The following SLC35B1 variants were observed in gnomAD, a reference collection of about 807,000 sequenced individuals.
The protein encoded by SLC35B1 is ATP/ADP exchanger ER.
SLC35B1 carries 27 observed loss-of-function variants against 36.6 expected under a neutral mutation model. The observed-to-expected ratio is 0.74, with a 90% confidence interval of 0.54 to 1.02. SLC35B1 has a LOEUF of 1.02. Ranked by LOEUF, SLC35B1 falls within the 50% of genes least tolerant of loss-of-function variation. The pLI is 0.00. For missense variants in SLC35B1, 321 were observed against 383.2 expected, an observed-to-expected ratio of 0.84 and a Z score of 1.35; for synonymous variants, 162 against 152.5, an observed-to-expected ratio of 1.06 and a Z score of -0.46.
upstream of SLC35B1, chr17:49,708,145 C>G (rs890563004): frequency 7.2e-6 from 5 of 694,608 alleles, no homozygotes; most frequent in African/African-American, 8.8e-5. Context: ...GGAGATTTTT[C>G]CAATCAGGCA....
At position 49,706,242 on chromosome 17, in the gene SLC35B1, T is replaced by C; in HGVS notation, c.301A>G (p.Ser101Gly). ...TTGACAAACTGTAGTGCTGAATTGC[T>C]GGAGACCATGGCACCCAGATAGGAG... ...SISYLGAMVS[S>G]NSALQFVNYP... Residue 101 changes from serine (S) to glycine (G), a missense_variant, in exon 3 of 9, where the codon AGC (serine) becomes GGC (glycine). By Grantham distance (56) the Ser-to-Gly change is moderately conservative. Coordinates refer to ENST00000240333, the MANE Select transcript of SLC35B1 (RefSeq NM_005827.4). 1.2e-6 allele frequency: 2 copies of C among 1,608,664 alleles called. No individual in the cohort carries two copies. The highest frequency in any genetic ancestry group is 1.7e-6 in the Non-Finnish European group (2 of 1,178,928).
chr17:49,707,306 G>A (rs1435715063), intron 1 of SLC35B1: 1 of 1,448,190 alleles, frequency 6.9e-7, no homozygotes. Flanking sequence ...AAAAGACGGA[G>A]AGGAAACATG....
At chr17:49,704,054 C>T (rs747259605) in intron 6 of SLC35B1, 46 bp downstream of exon 6, 2 of 1,612,808 alleles carry the variant, frequency 1.2e-6, no homozygotes, top group Non-Finnish European at 1.7e-6. Flanking sequence ...TGAGGGCAGC[C>T]TGCCCTCTGG....
At position 49,705,261 on chromosome 17, in the gene SLC35B1, G is replaced by A. The variant is rs1428393654; in HGVS notation, c.391C>T (p.Leu131Phe). Residue 131 changes from leucine to phenylalanine, a missense_variant, in exon 5 of 9, where the codon CTC (leucine) becomes TTC (phenylalanine). By Grantham distance (22) the Leu-to-Phe change is conservative (BLOSUM62 0). Coordinates refer to ENST00000240333, the MANE Select transcript of SLC35B1 (RefSeq NM_005827.4). Reference protein sequence around the residue: ...PIPVMLLGVTLLKKKYPLAKY... With the variant: ...PIPVMLLGVTFLKKKYPLAKY... Reference sequence around the variant, plus strand: ...GCCAACGGGTACTTCTTCTTCAAGAGGGTCACCCCAAGGAGCATGACTACA... The same window carrying A: ...GCCAACGGGTACTTCTTCTTCAAGAAGGTCACCCCAAGGAGCATGACTACA... The A allele has an allele frequency of 6.2e-7, 1 of 1,614,064 alleles. No individual in the cohort carries two copies. The highest frequency in any genetic ancestry group is 8.5e-7 in the Non-Finnish European group (1 of 1,180,038).
chr17:49,705,822 A>G (rs1229297006), intron 4 of SLC35B1, 44 bp downstream of exon 4: 2 of 1,596,680 alleles, frequency 1.3e-6, no homozygotes, highest in East Asian at 2.2e-5. Context: ...AGCTTACTAT[A>G]GGAAGAGTGA....
chr17:49,707,636 G>GT, intron 1 of SLC35B1, 94 bp downstream of exon 1: 1 of 1,481,450 alleles, frequency 6.8e-7, no homozygotes, highest in Non-Finnish European at 9.2e-7. Flanking sequence ...CCGGGCAGGA[G>GT]GACAAGAGGA....
At chr17:49,706,104 T>A (rs1742703410) in intron 3 of SLC35B1, 100 bp downstream of exon 3, 2 of 399,480 alleles carry the variant, frequency 5.0e-6, no homozygotes, top group African/African-American at 3.6e-5. Flanking sequence ...ACCGTTATCT[T>A]TTTTTTTTTT....
In SLC35B1 at chr17:49,703,235, TG is replaced by T; in HGVS notation, c.714del (p.Ile239SerfsTer10). ...CCAAAGAGCAGGATGTTATAGATGATGGCAGGGTACCTTTCAGCAAAGCTCA... is the reference window on the plus strand; with the variant it reads ...CCAAAGAGCAGGATGTTATAGATGATGCAGGGTACCTTTCAGCAAAGCTCA... ...EFLSFAERYP[A>X]IIYNILLFGL... On this transcript the variant is annotated frameshift_variant, in exon 7 of 9. Coordinates refer to ENST00000240333, the MANE Select transcript of SLC35B1 (RefSeq NM_005827.4). LOFTEE classifies it high-confidence loss of function. 1 of 1,614,056 alleles carries T rather than the reference TG, an allele frequency of 6.2e-7. No individual in the cohort carries two copies. Among genetic ancestry groups the T allele is most frequent in the Non-Finnish European group, 8.5e-7 (1 of 1,179,982 alleles).
intron 3 of SLC35B1, 39 bp downstream of exon 3, chr17:49,706,165 G>A (rs755518494): frequency 2.1e-6 from 3 of 1,459,742 alleles, no homozygotes; most frequent in Admixed American, 4.7e-5. Context: ...CTTTTCAAAT[G>A]ATATCTGAGC....
chr17:49,705,770 G>T, intron 4 of SLC35B1, 96 bp downstream of exon 4: 1 of 1,189,690 alleles, frequency 8.4e-7, no homozygotes, highest in Non-Finnish European at 1.3e-6. Context: ...CAGCCATGAT[G>T]GGATGATGAA....
Position 49,707,720 on chromosome 17 carries a change from G to C in SLC35B1, c.104+10C>G, listed in dbSNP as rs750414291. On this transcript the variant is annotated intron_variant, in intron 1 of 8. Coordinates refer to ENST00000240333, the MANE Select transcript of SLC35B1 (RefSeq NM_005827.4). ...GGAGAGACTGTCGGCCCGCCCCCGG[G>C]GTCGCTCACATCTTTTCCTGCAGGA... 1.9e-6 allele frequency: 3 copies of C among 1,610,368 alleles called. No individual in the cohort carries two copies. Among genetic ancestry groups the C allele is most frequent in the African/African-American group, 1.3e-5 (1 of 74,852 alleles).
chr17:49,705,727 C>T (rs1210324144), intron 4 of SLC35B1, 139 bp downstream of exon 4: 1 of 798,706 alleles, frequency 1.3e-6, no homozygotes, highest in East Asian at 2.4e-5. Flanking sequence ...ACAGGATGGG[C>T]AGCAGGGAGA....
At position 49,706,346 on chromosome 17, in the gene SLC35B1, C is replaced by CAAA. The variant is rs61136804; in HGVS notation, c.209-15_209-13dup. 1.1e-3 allele frequency: 807 copies of CAAA among 733,326 alleles called. No individual in the cohort carries two copies. The highest frequency in any genetic ancestry group is 3.0e-3 in the African/African-American group (94 of 31,014). 45.4% of individuals were successfully genotyped at this position (733,326 alleles called of 1,614,324 possible). ...AAAAAACTGGATCACTGGGAGAAGA[C>CAAA]AAAAAAAAAAAAAAAAAAAGAAAAG... On this transcript the variant is annotated splice_polypyrimidine_tract_variant and intron_variant, in intron 2 of 8. Transcript: ENST00000240333.
At position 49,702,817 on chromosome 17, in the gene SLC35B1, A is replaced by G. The variant is rs185836273; in HGVS notation, c.916+41T>C. 130 of 1,555,066 alleles carry G rather than the reference A, an allele frequency of 8.4e-5. No individual in the cohort carries two copies. The East Asian group carries it at 2.9e-3, about 34-fold the overall frequency. Reference sequence around the variant, plus strand: ...TAAATATACAAGTAAATTTTAGGAGAAAAAATTCAGCTGTCACTGTGTCTC... The same window carrying G: ...TAAATATACAAGTAAATTTTAGGAGGAAAAATTCAGCTGTCACTGTGTCTC... On this transcript the variant is annotated intron_variant, in intron 8 of 8. Transcript: ENST00000240333.
chr17:49,702,121 C>T, intron 8 of SLC35B1: 1 of 169,580 alleles, frequency 5.9e-6, no homozygotes, highest in Non-Finnish European at 1.3e-5. Context: ...GCTTCCTTTT[C>T]TCCTTTTATT....
chr17:49,707,347 G>T (rs2073431938), intron 1 of SLC35B1: 1 of 1,432,162 alleles, frequency 7.0e-7, no homozygotes, highest in Admixed American at 2.1e-5. Flanking sequence ...AGGTACCCCA[G>T]GCAGGAGGAG....
At chr17:49,701,571 GT>G in intron 8 of SLC35B1, 61 bp from the exon 9 acceptor site, 1 of 1,431,276 alleles carries the variant, frequency 7.0e-7, no homozygotes, top group South Asian at 1.1e-5. Context: ...ACCAATGATT[GT>G]GGTGGGGTGG....
At chr17:49,705,655 T>G (rs1598010958) in intron 4 of SLC35B1, 1 of 627,788 alleles carries the variant, frequency 1.6e-6, no homozygotes, top group Non-Finnish European at 2.9e-6. Context: ...GCAGGCTAGG[T>G]CAGCCTTTAG....
intron 8 of SLC35B1, 33 bp from the exon 9 acceptor site, chr17:49,701,543 T>TG (rs752460013): frequency 4.3e-5 from 69 of 1,596,928 alleles, no homozygotes; most frequent in Non-Finnish European, 5.6e-5. Context: ...CTTAGCCTTA[T>TG]GGGGGGAAAT....
Sources: allele counts gnomAD v4.1 joint callset, GRCh38; gene constraint gnomAD v4.1.1; transcripts MANE v1.5; gene names NCBI Gene and HGNC (gene_info 2026-07-23, HGNC 2026-07-21).